Variants in CYB5R4 observed in about 807,000 individuals in gnomAD.
CYB5R4 encodes cytochrome b5 reductase 4.
In CYB5R4, 55 loss-of-function variants were observed where a neutral mutation model predicts 70.2. The ratio of observed to expected loss-of-function variants is 0.78; its 90% CI spans 0.63 to 0.98. The LOEUF (loss-of-function observed/expected upper bound fraction) is 0.98, where lower values mean the gene tolerates loss of function less well. Ranked by LOEUF, CYB5R4 falls within the 50% of genes least tolerant of loss-of-function variation. The pLI, the probability that CYB5R4 is intolerant of heterozygous loss-of-function variation, is 0.00. For missense variants in CYB5R4, 562 were observed against 612.6 expected, an observed-to-expected ratio of 0.92 and a Z score of 0.87; for synonymous variants, 197 against 199.5, an observed-to-expected ratio of 0.99 and a Z score of 0.11.
intron 2 of CYB5R4, among the ~76,000 whole-genome samples, chr6:83,877,185 T>C (rs1188261861): frequency 6.6e-6 from 1 of 152,216 alleles, no homozygotes; most frequent in Admixed American, 6.5e-5. Context: ...CTCACTTTTT[T>C]TCTGAAATGT....
intron 15 of CYB5R4, among the ~76,000 whole-genome samples, chr6:83,955,906 A>C (rs965875000): frequency 2.0e-5 from 3 of 152,234 alleles, no homozygotes; most frequent in Admixed American, 2.0e-4. Flanking sequence ...CAAGACAAAA[A>C]GGGAAGACTA....
chr6:83,887,766 A>C (rs1215141251), intron 2 of CYB5R4, among the ~76,000 whole-genome samples: 1 of 138,822 alleles, frequency 7.2e-6, no homozygotes, highest in East Asian at 2.4e-4. Flanking sequence ...ATAAAGTATC[A>C]GCATAAAGGA....
At chr6:83,923,539 C>T (rs2099466768) in intron 9 of CYB5R4, among the ~76,000 whole-genome samples, 2 of 152,088 alleles carry the variant, frequency 1.3e-5, no homozygotes, top group South Asian at 4.1e-4. Context: ...ATTAAATATG[C>T]TTTAAATCTT....
At chr6:83,876,598 C>A (rs1388485417) in intron 2 of CYB5R4, among the ~76,000 whole-genome samples, 2 of 151,244 alleles carry the variant, frequency 1.3e-5, no homozygotes, top group African/African-American at 4.9e-5. Flanking sequence ...AGTATAATAA[C>A]CTTTTAATAA....
chr6:83,867,610 A>G (rs777861135), intron 2 of CYB5R4, among the ~76,000 whole-genome samples: 1 of 152,234 alleles, frequency 6.6e-6, no homozygotes, highest in Non-Finnish European at 1.5e-5. Context: ...AGGTCATGGA[A>G]TAATAGGATG....
At chr6:83,924,069 CAAAAAAAAAA>C (rs34702511) in intron 9 of CYB5R4, among the ~76,000 whole-genome samples, 2 of 52,898 alleles carry the variant, frequency 3.8e-5, no homozygotes, top group African/African-American at 1.6e-4. Flanking sequence ...GACTCCGTCT[CAAAAAAAAAA>C]AAAAAAAAAA....
chr6:83,888,661 A>G (rs1206025672), intron 2 of CYB5R4, among the ~76,000 whole-genome samples: 3 of 152,152 alleles, frequency 2.0e-5, no homozygotes, highest in African/African-American at 4.8e-5. Flanking sequence ...AGACCCAACA[A>G]TATTGAGATT....
In CYB5R4 at chr6:83,859,839, C is replaced by T. The variant is rs1174788397; in HGVS notation, c.57C>T (p.Ala19=). 1.2e-6 allele frequency: 2 copies of T among 1,613,082 alleles called. No individual in the cohort carries two copies. Among genetic ancestry groups the T allele is most frequent in the Admixed American group, 1.7e-5 (1 of 59,948 alleles). ...FPAPRSQQRV[A]SGGRSKVPLK... ...CCCCCAGGTCGCAGCAGCGTGTCGC[C>T]TCCGGGGGGCGTAGCAAGGTAAGCG... is the stretch of plus-strand genomic sequence containing the variant. The change falls in exon 1 of 16, where the codon GCC becomes GCT. Residue 19 remains alanine, a synonymous_variant. Transcript: ENST00000369681.
chr6:83,907,011 A>G (rs749985102), intron 3 of CYB5R4, among the ~76,000 whole-genome samples: 1 of 152,190 alleles, frequency 6.6e-6, no homozygotes, highest in Non-Finnish European at 1.5e-5. Context: ...TGGTACCTAC[A>G]TCTTTATATA....
intron 2 of CYB5R4, among the ~76,000 whole-genome samples, chr6:83,881,004 A>G (rs1005134026): frequency 1.3e-5 from 2 of 151,888 alleles, no homozygotes; most frequent in East Asian, 1.9e-4. Flanking sequence ...AGTTCATTCT[A>G]TTTCCTCACT....
At chr6:83,866,459 A>C (rs1192329628) in intron 2 of CYB5R4, among the ~76,000 whole-genome samples, 2 of 152,162 alleles carry the variant, frequency 1.3e-5, no homozygotes, top group Non-Finnish European at 1.5e-5. Context: ...GTTTCTGTTA[A>C]ATATATTGGA....
intron 2 of CYB5R4, among the ~76,000 whole-genome samples, chr6:83,880,604 A>C (rs967383564): frequency 4.6e-5 from 7 of 151,396 alleles, no homozygotes; most frequent in African/African-American, 1.7e-4. Flanking sequence ...GAAGTTTATA[A>C]TTTTTTTTTC....
chr6:83,882,699 T>A (rs1461089373), intron 2 of CYB5R4, among the ~76,000 whole-genome samples: 2 of 152,142 alleles, frequency 1.3e-5, no homozygotes, highest in African/African-American at 2.4e-5. Context: ...AAAGAATATA[T>A]GATACAGGCC....
intron 2 of CYB5R4, among the ~76,000 whole-genome samples, chr6:83,882,010 C>G (rs1052360334): frequency 6.6e-6 from 1 of 152,208 alleles, no homozygotes; most frequent in Non-Finnish European, 1.5e-5. Flanking sequence ...GTGATTATAG[C>G]TGATTATCTC....
At chr6:83,922,958 T>G (rs2099466640) in intron 9 of CYB5R4, among the ~76,000 whole-genome samples, 1 of 151,718 alleles carries the variant, frequency 6.6e-6, no homozygotes, top group Admixed American at 6.6e-5. Context: ...CCTGGCTAAT[T>G]TTTTTTTGTA....
At chr6:83,956,534 T>C (rs2099472456) in intron 15 of CYB5R4, among the ~76,000 whole-genome samples, 1 of 152,178 alleles carries the variant, frequency 6.6e-6, no homozygotes, top group South Asian at 2.1e-4. Flanking sequence ...AGTCTTACAG[T>C]GGCTGCCCTT....
intron 10 of CYB5R4, among the ~76,000 whole-genome samples, chr6:83,925,264 C>A (rs529182222): frequency 6.6e-6 from 1 of 152,016 alleles, no homozygotes; most frequent in South Asian, 2.1e-4. Flanking sequence ...TTTAAACAAC[C>A]AGATCTTGTG....
intron 5 of CYB5R4, among the ~76,000 whole-genome samples, chr6:83,917,188 A>C (rs2099465656): frequency 6.6e-6 from 1 of 152,098 alleles, no homozygotes; most frequent in Non-Finnish European, 1.5e-5. Flanking sequence ...TACCCACAAG[A>C]ATGCATACCC....
At chr6:83,925,741 T>C (rs1254554684) in intron 10 of CYB5R4, among the ~76,000 whole-genome samples, 1 of 152,210 alleles carries the variant, frequency 6.6e-6, no homozygotes, top group African/African-American at 2.4e-5. Context: ...AAACTATTAT[T>C]GGTTTTTCTT....
Sources: gnomAD v4.1 joint callset for allele counts (sites outside exome capture counted in the v4.1 genomes callset) on GRCh38, gnomAD v4.1.1 for gene constraint, MANE v1.5 for transcripts, NCBI Gene and HGNC (gene_info 2026-07-23, HGNC 2026-07-21) for gene names.